The following CSMD3 variants were observed in gnomAD, a reference collection of about 807,000 sequenced individuals.
CSMD3 encodes the protein CUB and sushi domain-containing protein 3.
A neutral mutation model predicts 435.2 loss-of-function variants in CSMD3; 177 were observed. That is an observed-to-expected ratio of 0.41 (90% CI 0.36 to 0.46). The LOEUF (loss-of-function observed/expected upper bound fraction) is 0.46. Ranked by LOEUF, CSMD3 falls within the 20% of genes least tolerant of loss-of-function variation. CSMD3 has a pLI of 0.34. For synonymous variants in CSMD3, 1,656 were observed against 1,520.5 expected (o/e 1.09, Z -2.07); for missense variants, 4,265 against 4,504.6 (o/e 0.95, Z 1.52).
At chr8:112,524,670 A>G (rs915016397) in intron 27 of CSMD3, among the ~76,000 whole-genome samples, 1 of 152,008 alleles carries the variant, frequency 6.6e-6, no homozygotes, top group African/African-American at 2.4e-5. Context: ...ACAAGAAGCT[A>G]AAAGTAAATA....
chr8:113,409,855 T>C (rs758617322), intron 1 of CSMD3, among the ~76,000 whole-genome samples: 15 of 150,208 alleles, frequency 1.0e-4, no homozygotes, highest in Middle Eastern at 3.4e-3. Context: ...TGTGCATTCA[T>C]ATACTCCATT....
chr8:113,341,940 G>A (rs1249096645), intron 1 of CSMD3, among the ~76,000 whole-genome samples: 1 of 151,818 alleles, frequency 6.6e-6, no homozygotes, highest in African/African-American at 2.4e-5. Flanking sequence ...AGCTCATTGG[G>A]CTCTTTATAA....
At position 112,859,165 on chromosome 8, in the gene CSMD3, T is replaced by C; in HGVS notation, c.1735A>G (p.Thr579Ala). The C allele has an allele frequency of 6.2e-7, 1 of 1,611,372 alleles. No individual in the cohort carries two copies. The highest frequency in any genetic ancestry group is 1.1e-5 in the South Asian group (1 of 91,058). The change falls in exon 11 of 71, where the codon ACA becomes GCA. Residue 579 changes from threonine to alanine, a missense_variant. By Grantham distance (58) the Thr-to-Ala change is moderately conservative (BLOSUM62 0). This residue lies in a region of CSMD3 where 731 missense variants were observed against 755.4 expected (regional missense o/e 0.97). Coordinates refer to ENST00000297405, the MANE Select transcript of CSMD3 (RefSeq NM_198123.2). ...CTTACCTTATTTGTATTCACTGCTGTGATGACCCAGACACATTGTGCATTG... is the reference window on the plus strand; with the variant it reads ...CTTACCTTATTTGTATTCACTGCTGCGATGACCCAGACACATTGTGCATTG... Reference protein sequence around the residue: ...DSNAQCVWVITAVNTNKVIQI... With the variant: ...DSNAQCVWVIAAVNTNKVIQI...
chr8:113,385,009 A>G (rs983695500), intron 1 of CSMD3, among the ~76,000 whole-genome samples: 3 of 152,218 alleles, frequency 2.0e-5, no homozygotes, highest in African/African-American at 7.2e-5. Context: ...ATGCAATATG[A>G]TAATGAAAGA....
intron 12 of CSMD3, among the ~76,000 whole-genome samples, chr8:112,822,524 G>A (rs769987069): frequency 3.3e-5 from 5 of 152,142 alleles, no homozygotes; most frequent in African/African-American, 4.8e-5. Flanking sequence ...GCTTGCTGAA[G>A]TTGCTTACCA....
chr8:113,125,011 T>C (rs575524416), intron 4 of CSMD3, among the ~76,000 whole-genome samples: 2 of 152,140 alleles, frequency 1.3e-5, no homozygotes, highest in African/African-American at 2.4e-5. Flanking sequence ...CCCAAAGCTC[T>C]ACAAACATAC....
At chr8:112,493,911 A>G (rs1420922773) in intron 30 of CSMD3, among the ~76,000 whole-genome samples, 2 of 152,134 alleles carry the variant, frequency 1.3e-5, no homozygotes, top group East Asian at 3.9e-4. Context: ...GTGATTTTCT[A>G]CATCAGAATT....
At position 112,306,098 on chromosome 8, in the gene CSMD3, A is replaced by T. The variant is rs768054018; in HGVS notation, c.7980T>A (p.Asp2660Glu). 6.2e-7 allele frequency: 1 copy of T among 1,613,292 alleles called. No individual in the cohort carries two copies. Among genetic ancestry groups the T allele is most frequent in the South Asian group, 1.1e-5 (1 of 91,082 alleles). ...GTTCTTTGGATGACAATCGATATCCATCATTACAAAAATAGGTAACTCGCG... is the reference window on the plus strand; with the variant it reads ...GTTCTTTGGATGACAATCGATATCCTTCATTACAAAAATAGGTAACTCGCG... ...VGTRVTYFCN[D>E]GYRLSSKELT... is the part of the protein sequence containing the mutation. Residue 2660 changes from aspartate to glutamate, a missense_variant, in exon 51 of 71, where the codon GAT becomes GAA. Physicochemically the swap from Asp to Glu is conservative, Grantham distance 45 (BLOSUM62 2). This residue lies in a region of CSMD3 where 3,255 missense variants were observed against 3,380.2 expected (regional missense o/e 0.96). Transcript: ENST00000297405.
chr8:112,920,226 GA>G (rs2082694617), intron 10 of CSMD3, among the ~76,000 whole-genome samples: 1 of 151,778 alleles, frequency 6.6e-6, no homozygotes, highest in African/African-American at 2.4e-5. Flanking sequence ...AAGGAGGGGG[GA>G]AAGATTAGTT....
At chr8:112,855,649 C>CAGAT (rs929786918) in intron 11 of CSMD3, among the ~76,000 whole-genome samples, 1 of 151,630 alleles carries the variant, frequency 6.6e-6, no homozygotes, top group Non-Finnish European at 1.5e-5. Context: ...TGATAGATGA[C>CAGAT]AGATAGATAG....
chr8:112,909,515 G>A (rs2082350136), intron 10 of CSMD3, among the ~76,000 whole-genome samples: 1 of 151,590 alleles, frequency 6.6e-6, no homozygotes, highest in Non-Finnish European at 1.5e-5. Context: ...ATGTATAAAA[G>A]CAACGAATAT....
chr8:113,018,682 C>A (rs945244416), intron 6 of CSMD3: 5 of 192,966 alleles, frequency 2.6e-5, no homozygotes, highest in Non-Finnish European at 4.3e-5. Context: ...CTAGCAGTAA[C>A]AAACATGCTG....
chr8:113,098,683 C>T (rs753437251), intron 5 of CSMD3, 73 bp downstream of exon 5: 118 of 1,011,034 alleles, frequency 1.2e-4, no homozygotes, highest in Non-Finnish European at 1.7e-4. Flanking sequence ...TAAAAGTCCA[C>T]ATTCAGTTGT....
At chr8:112,261,669 T>A (rs986627417) in intron 61 of CSMD3, among the ~76,000 whole-genome samples, 3 of 152,038 alleles carry the variant, frequency 2.0e-5, no homozygotes, top group Non-Finnish European at 4.4e-5. Context: ...GTAGGGCATA[T>A]ACTTAAAAAT....
At chr8:112,650,735 A>G (rs1366474830) in intron 18 of CSMD3, among the ~76,000 whole-genome samples, 2 of 152,194 alleles carry the variant, frequency 1.3e-5, no homozygotes, top group Non-Finnish European at 2.9e-5. Context: ...TAAAGGAAAA[A>G]GAAGAGTAGA....
At chr8:113,205,433 G>A (rs1446852842) in intron 3 of CSMD3, among the ~76,000 whole-genome samples, 1 of 152,138 alleles carries the variant, frequency 6.6e-6, no homozygotes. Context: ...GTGGGGACCA[G>A]CCAAACCATA....
intron 1 of CSMD3, among the ~76,000 whole-genome samples, chr8:113,413,350 T>G (rs1048239724): frequency 5.1e-4 from 77 of 152,272 alleles, no homozygotes; most frequent in African/African-American, 1.8e-3. Context: ...TTGAGAAAAG[T>G]CACTGGATCT....
chr8:112,829,721 C>G lies in CSMD3; in HGVS notation c.1824G>C (p.Gly608=). The G allele has an allele frequency of 1.2e-6, 2 of 1,613,146 alleles. No individual in the cohort carries two copies. Among genetic ancestry groups the G allele is most frequent in the Non-Finnish European group, 1.7e-6 (2 of 1,179,322 alleles). ...IGYDTLTIGD[G]GEVGDPRTVL... is the part of the protein sequence containing the mutation. ...CTGTCCTAGGATCTCCAACTTCGCCCCCATCGCCAATTGTCAAGGTATCAT... is the reference window on the plus strand; with the variant it reads ...CTGTCCTAGGATCTCCAACTTCGCCGCCATCGCCAATTGTCAAGGTATCAT... The change falls in exon 12 of 71, where the codon GGG becomes GGC. Residue 608 remains glycine (G), a synonymous_variant. Coordinates refer to ENST00000297405, the MANE Select transcript of CSMD3 (RefSeq NM_198123.2).
At chr8:113,057,711 T>C (rs1432860794) in intron 5 of CSMD3, among the ~76,000 whole-genome samples, 1 of 151,966 alleles carries the variant, frequency 6.6e-6, no homozygotes, top group East Asian at 1.9e-4. Flanking sequence ...CACTCCCATA[T>C]TCTATACATA....
Sources: allele counts gnomAD v4.1 joint callset (sites outside exome capture counted in the v4.1 genomes callset), GRCh38; gene constraint gnomAD v4.1.1; regional missense constraint gnomAD v4.1.1; transcripts MANE v1.5; gene names NCBI Gene and HGNC (gene_info 2026-07-23, HGNC 2026-07-21).